ILDR2: variants seen among roughly 807,000 people sequenced by gnomAD.
ILDR2 encodes immunoglobulin-like domain-containing receptor 2.
A neutral mutation model predicts 66.8 loss-of-function variants in ILDR2; 25 were observed. The observed-to-expected ratio is 0.37, with a 90% CI of 0.27 to 0.52. The LOEUF is 0.52. Among genes scored for constraint, ILDR2 ranks in the 20% least tolerant of loss-of-function variants. ILDR2 has a pLI of 0.88. For synonymous variants in ILDR2, 367 were observed against 357.2 expected (o/e 1.03, Z -0.31); for missense variants, 827 against 876.8 (o/e 0.94, Z 0.72).
At chr1:166,957,588 C>A (rs992961647) in intron 2 of ILDR2, among the ~76,000 whole-genome samples, 181 bp downstream of exon 2, 3 of 152,132 alleles carry the variant, frequency 2.0e-5, no homozygotes, top group African/African-American at 4.8e-5. Flanking sequence ...CCACCCTTTT[C>A]CCCCTCACCA....
chr1:166,969,858 G>A (rs1663177094), intron 1 of ILDR2, among the ~76,000 whole-genome samples: 1 of 152,170 alleles, frequency 6.6e-6, no homozygotes, highest in South Asian at 2.1e-4. Context: ...CTTTTAACCA[G>A]TAAGATATCA....
At chr1:166,906,740 CT>C (rs1164841592), downstream of ILDR2, among the ~76,000 whole-genome samples, 4 of 152,168 alleles carry the variant, frequency 2.6e-5, no homozygotes, top group African/African-American at 9.7e-5. Context: ...AACTGAACCA[CT>C]TGTTATTTGA....
intron 6 of ILDR2, among the ~76,000 whole-genome samples, chr1:166,934,441 A>G (rs905654249): frequency 3.3e-5 from 5 of 152,116 alleles, no homozygotes; most frequent in African/African-American, 1.2e-4. Flanking sequence ...CTCCATCATA[A>G]TCTAGATGCT....
intron 2 of ILDR2, among the ~76,000 whole-genome samples, chr1:166,898,561 G>T (rs543272093): frequency 6.6e-6 from 1 of 152,320 alleles, no homozygotes; most frequent in South Asian, 2.1e-4. Flanking sequence ...TGTAGCTTCT[G>T]CTCTCACCAG....
chr1:166,919,082 C>T lies in ILDR2; in HGVS notation c.*273G>A. On this transcript the variant is annotated 3_prime_UTR_variant, in exon 10 of 10. Coordinates refer to ENST00000271417, the MANE Select transcript of ILDR2 (RefSeq NM_199351.3). Reference sequence around the variant, plus strand: ...GGTTCTGTTAAGGGAGGAGGCTGGGCAGGATAAACGCTATAGTTGAGAAAC... The same window carrying T: ...GGTTCTGTTAAGGGAGGAGGCTGGGTAGGATAAACGCTATAGTTGAGAAAC... 1 of 483,154 alleles carries T rather than the reference C, an allele frequency of 2.1e-6. No individual in the cohort carries two copies. Among genetic ancestry groups the T allele is most frequent in the East Asian group, 3.1e-5 (1 of 32,178 alleles). The allele number at this position is 483,154 out of a possible 1,614,324, so 29.9% of individuals were successfully genotyped here. A position where few individuals can be genotyped will look rare whatever the true frequency, so the allele number is the denominator to read the frequency against.
chr1:166,972,502 A>G (rs1234156436), intron 1 of ILDR2, among the ~76,000 whole-genome samples: 2 of 152,260 alleles, frequency 1.3e-5, no homozygotes, highest in East Asian at 3.8e-4. Context: ...AAATAACAAC[A>G]ACAACAGCAA....
At chr1:166,898,743 T>C (rs527362514) in intron 2 of ILDR2, among the ~76,000 whole-genome samples, 5 of 152,320 alleles carry the variant, frequency 3.3e-5, no homozygotes, top group Admixed American at 6.5e-5. Flanking sequence ...GTCCCTAGTA[T>C]GTACTTAGTG....
intron 5 of ILDR2, among the ~76,000 whole-genome samples, chr1:166,935,718 T>C (rs1202282853): frequency 2.0e-5 from 3 of 152,150 alleles, no homozygotes; most frequent in East Asian, 3.9e-4. Flanking sequence ...ACCTGGCAAC[T>C]AAATAATTAA....
At chr1:166,965,622 G>A (rs1285106265) in intron 1 of ILDR2, among the ~76,000 whole-genome samples, 1 of 147,630 alleles carries the variant, frequency 6.8e-6, no homozygotes, top group East Asian at 2.0e-4. Context: ...ACCCAGGCTG[G>A]AGTGCAGTGG....
At position 166,936,877 on chromosome 1, in the gene ILDR2, C is replaced by G. The variant is rs1661014744; in HGVS notation, c.557-140G>C. 1.3e-6 allele frequency: 1 copy of G among 769,614 alleles called. No individual in the cohort carries two copies. The highest frequency in any genetic ancestry group is 2.5e-5 in the Admixed American group (1 of 40,290). 47.7% of individuals were successfully genotyped at this position (769,614 alleles called of 1,614,324 possible). ...AGCTTCTCTTAACAGGAGACAGAGC[C>G]CCAACACTCAAGAGGAACTCTGAGA... On this transcript the variant is annotated intron_variant, in intron 4 of 9. Transcript: ENST00000271417. This position sits in a 1 kb window ranked among gnomAD's most constrained non-coding sequence, Gnocchi z 5.0.
At chr1:166,897,927 G>T (rs1423053950) in intron 2 of ILDR2, among the ~76,000 whole-genome samples, 1 of 152,202 alleles carries the variant, frequency 6.6e-6, no homozygotes, top group Non-Finnish European at 1.5e-5. Context: ...TAGCCAGTTG[G>T]TCAAAAGTGC....
chr1:166,970,218 G>T (rs1410242720), intron 1 of ILDR2, among the ~76,000 whole-genome samples: 1 of 152,136 alleles, frequency 6.6e-6, no homozygotes, highest in Non-Finnish European at 1.5e-5. Context: ...ATTGTTCAGA[G>T]TAGAACCTGT....
At chr1:166,953,801 T>C (rs1310656657) in intron 3 of ILDR2, among the ~76,000 whole-genome samples, 1 of 152,212 alleles carries the variant, frequency 6.6e-6, no homozygotes, top group Non-Finnish European at 1.5e-5. Flanking sequence ...AACTTTACAA[T>C]AGAAATAAAG....
intron 1 of ILDR2, among the ~76,000 whole-genome samples, chr1:166,966,651 T>C (rs1250346632): frequency 6.6e-6 from 1 of 152,230 alleles, no homozygotes; most frequent in Non-Finnish European, 1.5e-5. Context: ...AAACATTTTC[T>C]TTCTGTCTCA....
At position 166,975,260 on chromosome 1, in the gene ILDR2, C is replaced by T; in HGVS notation, c.9G>A (p.Arg3=). 6.2e-7 allele frequency: 1 copy of T among 1,613,534 alleles called. No homozygotes were observed. Among genetic ancestry groups the T allele is most frequent in the Non-Finnish European group, 8.5e-7 (1 of 1,179,578 alleles). ...AGAGAGAAATCCACCTCAGCAAGAC[C>T]CTATCCATCTTCCCCAACTTCCCAG... MD[R]VLLRWISLFW... The change falls in exon 1 of 10, where the codon AGG becomes AGA. Residue 3 remains arginine, a synonymous_variant. Coordinates refer to ENST00000271417, the MANE Select transcript of ILDR2 (RefSeq NM_199351.3).
At chr1:166,961,212 G>C (rs192563040) in intron 1 of ILDR2, among the ~76,000 whole-genome samples, 9 of 152,312 alleles carry the variant, frequency 5.9e-5, no homozygotes, top group Non-Finnish European at 7.3e-5. Context: ...CATCACCCAG[G>C]TGGGTGCTCT....
At chr1:166,939,471 AT>A in intron 4 of ILDR2, 42 bp downstream of exon 4, 4 of 1,527,572 alleles carry the variant, frequency 2.6e-6, no homozygotes, top group Non-Finnish European at 3.6e-6. Context: ...GACAGATGGA[AT>A]AACAGCAAAT....
In ILDR2 at chr1:166,897,251, T is replaced by A. The variant is rs533038091; in HGVS notation, n.172-1150A>T. On this transcript the variant is annotated intron_variant and non_coding_transcript_variant, in intron 2 of 2. Coordinates refer to the ILDR2 transcript ENST00000414590. ...ACAGAGGAGCTGTATTTAAAAGATATTTAGGAGGGGAAGTTGGCGTGGCTT... is the reference window on the plus strand; with the variant it reads ...ACAGAGGAGCTGTATTTAAAAGATAATTAGGAGGGGAAGTTGGCGTGGCTT... 1.1e-4 allele frequency among the ~76,000 whole-genome samples: 17 copies of A among 152,258 alleles called. No individual in the cohort carries two copies. The South Asian group carries it at 3.3e-3, about 30-fold the overall frequency.
At chr1:166,944,704 G>A (rs535546090) in intron 3 of ILDR2, among the ~76,000 whole-genome samples, 6 of 152,250 alleles carry the variant, frequency 3.9e-5, no homozygotes, top group Non-Finnish European at 8.8e-5. Context: ...AAGCATTTCA[G>A]TTGCTTTGTT....
Sources: allele counts gnomAD v4.1 joint callset (sites outside exome capture counted in the v4.1 genomes callset), GRCh38; gene constraint gnomAD v4.1.1; non-coding constraint Gnocchi (gnomAD v3.1); transcripts MANE v1.5; gene names NCBI Gene and HGNC (gene_info 2026-07-23, HGNC 2026-07-21).